Variants in POLN observed in about 807,000 individuals in gnomAD.
POLN encodes DNA polymerase nu, also known as DNA polymerase N.
Under a neutral mutation model 113.5 loss-of-function variants are expected in POLN, and 108 were observed. That is an observed-to-expected ratio of 0.95 (90% CI 0.81 to 1.12). The LOEUF is 1.12. Among genes scored for constraint, POLN ranks in the 50% most tolerant of loss-of-function variants. The pLI, the probability that POLN is intolerant of heterozygous loss-of-function variation, is 0.00. For synonymous variants in POLN, 386 were observed against 391.5 expected, an observed-to-expected ratio of 0.99 and a Z score of 0.17; for missense variants, 1,097 against 1,077.1, an observed-to-expected ratio of 1.02 and a Z score of -0.26.
At chr4:2,165,120 T>C (rs1732698140) in intron 13 of POLN, among the ~76,000 whole-genome samples, 1 of 152,196 alleles carries the variant, frequency 6.6e-6, no homozygotes, top group South Asian at 2.1e-4. Flanking sequence ...CCTAAAAACC[T>C]ACACACAGAT....
At chr4:2,086,068 G>A (rs1730542186) in intron 20 of POLN, among the ~76,000 whole-genome samples, 1 of 152,188 alleles carries the variant, frequency 6.6e-6, no homozygotes, top group Non-Finnish European at 1.5e-5. Context: ...GGGGCACAGA[G>A]GAAAAGAGGA....
chr4:2,174,640 A>G, intron 10 of POLN, 51 bp downstream of exon 10: 1 of 1,435,676 alleles, frequency 7.0e-7, no homozygotes, highest in East Asian at 2.3e-5. Flanking sequence ...CCCAAACAAT[A>G]TGAAGAACCC....
Position 2,197,960 on chromosome 4 carries a change from C to T in POLN, c.908+564G>A, listed in dbSNP as rs990181539. Among the ~76,000 whole-genome samples, 21 of 152,180 alleles carry T rather than the reference C, an allele frequency of 1.4e-4. 1 individual carries two copies. The highest frequency in any genetic ancestry group is 1.2e-3 in the Admixed American group (19 of 15,276). Reference sequence around the variant, plus strand: ...GAAACAGTGAGGAAGAGTACAAGATCCATCCCAGAAAGGGCTTTTCAGAAT... The same window carrying T: ...GAAACAGTGAGGAAGAGTACAAGATTCATCCCAGAAAGGGCTTTTCAGAAT... On this transcript the variant is annotated intron_variant, in intron 6 of 25. Coordinates refer to ENST00000511885, the MANE Select transcript of POLN (RefSeq NM_181808.4).
At chr4:2,236,448 T>C (rs759709824) in intron 2 of POLN, 1 of 1,604,232 alleles carries the variant, frequency 6.2e-7, no homozygotes, top group African/African-American at 1.3e-5. Flanking sequence ...CTCCAAAACT[T>C]GGTAAAGCCT....
intron 16 of POLN, among the ~76,000 whole-genome samples, chr4:2,137,433 G>A (rs927068044): frequency 1.3e-5 from 2 of 152,236 alleles, no homozygotes; most frequent in African/African-American, 2.4e-5. Flanking sequence ...AGAGCTCAGA[G>A]TGAGGGCCAC....
chr4:2,119,347 G>A (rs1029429368), intron 19 of POLN, among the ~76,000 whole-genome samples: 4 of 152,176 alleles, frequency 2.6e-5, no homozygotes, highest in African/African-American at 7.2e-5. Flanking sequence ...TGAAGAAGGC[G>A]CCTTAATGGC....
intron 2 of POLN, chr4:2,240,564 G>C (rs1734945074): frequency 6.2e-7 from 1 of 1,613,292 alleles, no homozygotes; most frequent in South Asian, 1.1e-5. Context: ...GCTAGTTACT[G>C]AAGCCATCAA....
intron 16 of POLN, among the ~76,000 whole-genome samples, chr4:2,144,213 C>T (rs142982969): frequency 6.2e-4 from 90 of 146,254 alleles, no homozygotes; most frequent in Non-Finnish European, 1.1e-3. Context: ...GGCGTGAACT[C>T]GGCTCACCAC....
intron 23 of POLN, 141 bp from the exon 24 acceptor site, chr4:2,075,660 CA>C (rs1055159973): frequency 1.2e-6 from 1 of 829,774 alleles, no homozygotes; most frequent in Non-Finnish European, 1.9e-6. Context: ...GGTGGGGGCC[CA>C]TCCCCAAGGT....
chr4:2,239,970 A>C, intron 2 of POLN: 1 of 1,221,744 alleles, frequency 8.2e-7, no homozygotes, highest in Non-Finnish European at 1.2e-6. Context: ...GTACTTTAAC[A>C]GCAATATTAT....
intron 9 of POLN, among the ~76,000 whole-genome samples, chr4:2,175,225 G>A (rs1023764948): frequency 1.3e-5 from 2 of 152,008 alleles, no homozygotes; most frequent in African/African-American, 4.8e-5. Flanking sequence ...TCTTCCTAAT[G>A]AACTCTTATT....
At chr4:2,129,024 C>T (rs1427089201) in intron 18 of POLN, among the ~76,000 whole-genome samples, 155 bp downstream of exon 18, 1 of 143,390 alleles carries the variant, frequency 7.0e-6, no homozygotes, top group African/African-American at 2.6e-5. Context: ...CACTGCACTC[C>T]AGCCTGGGCC....
chr4:2,122,087 C>T (rs1239238732), intron 19 of POLN, among the ~76,000 whole-genome samples: 1 of 152,130 alleles, frequency 6.6e-6, no homozygotes, highest in Non-Finnish European at 1.5e-5. Context: ...AAGTAACATG[C>T]TCGTGATCTA....
chr4:2,128,634 C>T lies in POLN; in HGVS notation c.1868-407G>A, dbSNP rs532366191. Among the ~76,000 whole-genome samples the T allele has an allele frequency of 3.6e-4, 54 of 151,346 alleles. No individual in the cohort carries two copies. The South Asian group carries it at 0.011, about 30-fold the overall frequency. On this transcript the variant is annotated intron_variant, in intron 18 of 25. Transcript: ENST00000511885. ...ACTCTTAGCTGGGAGGAGTAGGGTC[C>T]GGCAAGGCCGCAGCGAGCAGGGCAG...
chr4:2,159,074 T>G (rs767766050), intron 14 of POLN, 81 bp downstream of exon 14: 1 of 1,081,592 alleles, frequency 9.2e-7, no homozygotes, highest in Non-Finnish European at 1.4e-6. Context: ...TCAGCCATTA[T>G]GGATTTGTGT....
At chr4:2,241,934 T>A in intron 1 of POLN, 117 bp downstream of exon 1, 1 of 985,316 alleles carries the variant, frequency 1.0e-6, no homozygotes, top group African/African-American at 1.7e-5. Flanking sequence ...CTGGAGCACC[T>A]GGAAGGAGCC....
intron 1 of POLN, 83 bp from the exon 2 acceptor site, chr4:2,241,873 C>T: frequency 1.0e-6 from 1 of 985,506 alleles, no homozygotes. Context: ...CCGCACAGCC[C>T]CCGCCCCAGC....
At chr4:2,090,282 A>G in intron 20 of POLN, 1 of 800,564 alleles carries the variant, frequency 1.2e-6, no homozygotes, top group South Asian at 1.6e-5. Context: ...AGGCTTCTGC[A>G]CATCAAACTT....
intron 16 of POLN, 60 bp from the exon 17 acceptor site, chr4:2,131,350 G>T: frequency 8.7e-7 from 1 of 1,154,442 alleles, no homozygotes; most frequent in Non-Finnish European, 1.3e-6. Context: ...GTACTACTTA[G>T]GGTATTTAAT....
Sources: gnomAD v4.1 joint callset for allele counts (sites outside exome capture counted in the v4.1 genomes callset) on GRCh38, gnomAD v4.1.1 for gene constraint, MANE v1.5 for transcripts, NCBI Gene and HGNC (gene_info 2026-07-23, HGNC 2026-07-21) for gene names.